Variants in ZBED6 observed in about 807,000 individuals in gnomAD.
ZBED6 encodes the protein zinc finger BED domain-containing protein 6.
In ZBED6, 40 loss-of-function variants were observed where a neutral mutation model predicts 58.4. That is an observed-to-expected ratio of 0.68 (90% CI 0.53 to 0.89). The LOEUF is 0.89. ZBED6 is among the 40% of genes least tolerant of loss of function. The pLI, the probability that ZBED6 is intolerant of heterozygous loss-of-function variation, is 0.00. For missense variants in ZBED6, 1,057 were observed against 1,003.9 expected, an observed-to-expected ratio of 1.05 and a Z score of -0.71; for synonymous variants, 439 against 350.6, an observed-to-expected ratio of 1.25 and a Z score of -2.82.
chr1:203,838,716 C>G (rs773846293), intron 10 of ZBED6, among the ~76,000 whole-genome samples: 5 of 151,958 alleles, frequency 3.3e-5, no homozygotes, highest in Non-Finnish European at 5.9e-5. Flanking sequence ...TTTGGGAGGC[C>G]GAGGTGGGTG....
chr1:203,831,288 C>T (rs1330041036), intron 7 of ZBED6, among the ~76,000 whole-genome samples: 1 of 151,958 alleles, frequency 6.6e-6, no homozygotes, highest in African/African-American at 2.4e-5. Flanking sequence ...TTTATAGCAA[C>T]CTTGGAGTTG....
At chr1:203,796,784 A>G (rs1040719906) in exon 1 of ZBED6, 20 of 237,440 alleles carry the variant, frequency 8.4e-5, no homozygotes, top group Non-Finnish European at 1.3e-4. Context: ...CTTAATACAA[A>G]CAGTACTTTG....
intron 12 of ZBED6, 30 bp downstream of exon 12, chr1:203,847,717 C>T (rs750385942): frequency 2.5e-6 from 4 of 1,597,418 alleles, no homozygotes; most frequent in African/African-American, 1.4e-5. Flanking sequence ...TCTAGTACCA[C>T]GTCCCCACAT....
intron 1 of ZBED6, among the ~76,000 whole-genome samples, chr1:203,803,567 C>T (rs143707535): frequency 6.6e-6 from 1 of 152,122 alleles, no homozygotes; most frequent in South Asian, 2.1e-4. Context: ...AAAGTGAAAT[C>T]TTCCTGTAAT....
chr1:203,845,576 C>T (rs935091923), intron 11 of ZBED6, among the ~76,000 whole-genome samples: 4 of 152,128 alleles, frequency 2.6e-5, no homozygotes, highest in African/African-American at 9.7e-5. Context: ...TCAGTTGAAA[C>T]TAACCAGGCC....
intron 13 of ZBED6, among the ~76,000 whole-genome samples, chr1:203,848,626 G>T (rs57003755): frequency 5.9e-5 from 9 of 152,086 alleles, no homozygotes; most frequent in Non-Finnish European, 1.2e-4. Flanking sequence ...GGTGGCTCAC[G>T]CCTGTAATCC....
At chr1:203,824,205 T>A (rs1424884877) in intron 3 of ZBED6, among the ~76,000 whole-genome samples, 1 of 150,438 alleles carries the variant, frequency 6.6e-6, no homozygotes, top group Non-Finnish European at 1.5e-5. Context: ...GAGGTGGAGA[T>A]TGCAGTGAGC....
chr1:203,819,076 A>AT (rs1677350706), intron 3 of ZBED6, among the ~76,000 whole-genome samples: 1 of 34,180 alleles, frequency 2.9e-5, no homozygotes, highest in Non-Finnish European at 1.3e-4. Flanking sequence ...TCAAAAAAAA[A>AT]AATATATATA....
exon 1 of ZBED6, chr1:203,799,178 T>C: frequency 7.6e-7 from 1 of 1,308,708 alleles, no homozygotes; most frequent in Non-Finnish European, 1.1e-6. Context: ...TGTGGCTTTC[T>C]CCAAATTTCC....
intron 3 of ZBED6, among the ~76,000 whole-genome samples, chr1:203,825,076 C>CA (rs61108073): frequency 0.83 from 90,368 of 108,892 alleles, 37,151 homozygotes; most frequent in East Asian, 0.92. Context: ...GACTCCGTCT[C>CA]AAAAAAAAAA....
At chr1:203,799,424 A>G (rs1669826653) in exon 1 of ZBED6, 1 of 703,024 alleles carries the variant, frequency 1.4e-6, no homozygotes, top group Non-Finnish European at 2.6e-6. Context: ...ATGATCACCA[A>G]CTTCCATGGA....
intron 16 of ZBED6, among the ~76,000 whole-genome samples, chr1:203,851,820 A>G (rs182115888): frequency 2.0e-5 from 3 of 151,888 alleles, no homozygotes; most frequent in African/African-American, 7.2e-5. Flanking sequence ...AGAAATAAAA[A>G]AAAAATCACA....
chr1:203,810,334 C>G (rs374821771), intron 1 of ZBED6, among the ~76,000 whole-genome samples: 1 of 151,048 alleles, frequency 6.6e-6, no homozygotes, highest in East Asian at 1.9e-4. Context: ...GTTACAGAAG[C>G]TTAGTGTATA....
intron 1 of ZBED6, among the ~76,000 whole-genome samples, chr1:203,808,800 T>A (rs1034931627): frequency 1.3e-5 from 2 of 152,092 alleles, no homozygotes; most frequent in Non-Finnish European, 2.9e-5. Context: ...CGCCATCTTC[T>A]TCTTTTTTTT....
At chr1:203,807,760 G>A (rs1328808195) in intron 1 of ZBED6, among the ~76,000 whole-genome samples, 1 of 151,900 alleles carries the variant, frequency 6.6e-6, no homozygotes, top group East Asian at 1.9e-4. Flanking sequence ...TTTATTTTTT[G>A]AGAGAGGGTC....
exon 1 of ZBED6, chr1:203,800,445 A>G: frequency 6.7e-7 from 1 of 1,490,070 alleles, no homozygotes; most frequent in East Asian, 2.5e-5. Context: ...AAGCAGTGAA[A>G]AAGAAATACT....
chr1:203,806,892 T>C (rs1337388758), intron 1 of ZBED6, among the ~76,000 whole-genome samples: 1 of 150,194 alleles, frequency 6.7e-6, no homozygotes, highest in Non-Finnish European at 1.5e-5. Context: ...TTTCTTCACT[T>C]TTTAACCATT....
intron 1 of ZBED6, among the ~76,000 whole-genome samples, chr1:203,807,706 T>C (rs1041056045): frequency 1.1e-4 from 17 of 152,052 alleles, no homozygotes; most frequent in South Asian, 2.1e-4. Flanking sequence ...TTTTTTTCTT[T>C]TGGGAGAGAG....
At chr1:203,850,675 A>C in exon 15 of ZBED6, 2 of 1,613,752 alleles carry the variant, frequency 1.2e-6, no homozygotes, top group Non-Finnish European at 1.7e-6. Flanking sequence ...CCAAAAAGGC[A>C]GCTGTGGTAA....
Sources: allele counts gnomAD v4.1 joint callset (sites outside exome capture counted in the v4.1 genomes callset), GRCh38; gene constraint gnomAD v4.1.1; transcripts MANE v1.5; gene names NCBI Gene and HGNC (gene_info 2026-07-23, HGNC 2026-07-21).